The following REC114 variants were observed in gnomAD, a reference collection of about 807,000 sequenced individuals.
The protein encoded by REC114 is meiotic recombination protein REC114.
In REC114, 27 loss-of-function variants were observed where a neutral mutation model predicts 31.3. The ratio of observed to expected loss-of-function variants is 0.86; its 90% CI spans 0.64 to 1.19. The LOEUF is 1.19. Among genes scored for constraint, REC114 ranks in the 50% most tolerant of loss-of-function variants. The pLI, the probability that REC114 is intolerant of heterozygous loss-of-function variation, is 0.00. For synonymous variants in REC114, 134 were observed against 127.7 expected, an observed-to-expected ratio of 1.05 and a Z score of -0.33; for missense variants, 344 against 326.9, an observed-to-expected ratio of 1.05 and a Z score of -0.40.
At chr15:73,546,521 T>C (rs1469801892) in intron 3 of REC114, among the ~76,000 whole-genome samples, 1 of 152,188 alleles carries the variant, frequency 6.6e-6, no homozygotes. Flanking sequence ...TAATGAGGTA[T>C]ACTTCTATTT....
chr15:73,550,052 T>C (rs1397621338), intron 3 of REC114, among the ~76,000 whole-genome samples: 1 of 152,212 alleles, frequency 6.6e-6, no homozygotes, highest in Non-Finnish European at 1.5e-5. Flanking sequence ...GTCACTGTGC[T>C]AAGCTTAGCA....
rs540332647 is a variant in REC114, at chr15:73,507,041, C to T, written c.249+33120C>T. On this transcript the variant is annotated intron_variant, in intron 2 of 5. Coordinates refer to ENST00000331090, the MANE Select transcript of REC114 (RefSeq NM_001042367.2). ...GCTTGCTACATAAAAAAATTCAAAA[C>T]TTTCTGCATGGAAAAAATACCATAA... Among the ~76,000 whole-genome samples the T allele has an allele frequency of 6.4e-4, 97 of 152,134 alleles. 1 individual carries two copies. Among genetic ancestry groups the T allele is most frequent in the African/African-American group, 2.3e-3 (94 of 41,520 alleles).
At chr15:73,550,825 C>T in intron 3 of REC114, 113 bp from the exon 4 acceptor site, 1 of 904,958 alleles carries the variant, frequency 1.1e-6, no homozygotes. Flanking sequence ...GATGACTGTT[C>T]CCTTATCTAT....
At chr15:73,488,920 C>G (rs1893408968) in intron 2 of REC114, among the ~76,000 whole-genome samples, 1 of 152,140 alleles carries the variant, frequency 6.6e-6, no homozygotes, top group South Asian at 2.1e-4. Flanking sequence ...ATAGTAACAC[C>G]CCTTTCTTGG....
chr15:73,515,616 C>G (rs1347924180), intron 2 of REC114, among the ~76,000 whole-genome samples: 4 of 151,990 alleles, frequency 2.6e-5, no homozygotes, highest in Non-Finnish European at 5.9e-5. Flanking sequence ...GAGATTAGTG[C>G]TTTTATAAGA....
intron 2 of REC114, among the ~76,000 whole-genome samples, chr15:73,481,911 G>A (rs1045433140): frequency 6.6e-5 from 10 of 151,808 alleles, no homozygotes; most frequent in African/African-American, 1.5e-4. Context: ...TGCCCACCTC[G>A]GCCTCCCAAA....
chr15:73,479,347 A>C (rs1893261504), intron 2 of REC114, among the ~76,000 whole-genome samples: 1 of 150,932 alleles, frequency 6.6e-6, no homozygotes, highest in South Asian at 2.1e-4. Context: ...TAAGGTATAC[A>C]ATGTAATGTT....
At chr15:73,505,778 T>C (rs1405967602) in intron 2 of REC114, among the ~76,000 whole-genome samples, 3 of 152,134 alleles carry the variant, frequency 2.0e-5, no homozygotes, top group Non-Finnish European at 4.4e-5. Flanking sequence ...GTGATCCGCC[T>C]GCCTCGGCCT....
intron 2 of REC114, among the ~76,000 whole-genome samples, chr15:73,475,901 T>A (rs2141294348): frequency 6.6e-6 from 1 of 152,302 alleles, no homozygotes; most frequent in South Asian, 2.1e-4. Flanking sequence ...TCATGGTAAG[T>A]GCCCTATACA....
intron 2 of REC114, among the ~76,000 whole-genome samples, chr15:73,486,457 C>T (rs1246365970): frequency 6.6e-6 from 1 of 152,172 alleles, no homozygotes; most frequent in Non-Finnish European, 1.5e-5. Flanking sequence ...ATGTGAAAAA[C>T]CAGGGAATAA....
intron 2 of REC114, among the ~76,000 whole-genome samples, chr15:73,491,000 A>T (rs557997244): frequency 6.6e-6 from 1 of 152,226 alleles, no homozygotes; most frequent in South Asian, 2.1e-4. Context: ...CCTTATCCGC[A>T]TCATGCTGAA....
intron 3 of REC114, among the ~76,000 whole-genome samples, chr15:73,541,802 G>A (rs1211546709): frequency 1.3e-5 from 2 of 152,072 alleles, no homozygotes; most frequent in African/African-American, 2.4e-5. Flanking sequence ...CATGCTGTAT[G>A]TTTGATACTT....
At chr15:73,510,351 A>G (rs1270718205) in intron 2 of REC114, among the ~76,000 whole-genome samples, 22 of 152,168 alleles carry the variant, frequency 1.4e-4, no homozygotes, top group African/African-American at 3.1e-4. Flanking sequence ...GGCTGAGACA[A>G]TGGGGTTTTC....
rs544204873 is a variant in REC114 at position 73,544,154 on chromosome 15, A to T, written c.333+3586A>T. On this transcript the variant is annotated intron_variant, in intron 3 of 5. Transcript: ENST00000331090. The stretch of plus-strand genomic sequence containing the variant: ...ATCATGTAAGGCAGATTCTCTTTCA[A>T]TTATAGTTTATTTAATACCTTTATC... Among the ~76,000 whole-genome samples, 177 of 152,040 alleles carry T rather than the reference A, an allele frequency of 1.2e-3. 1 individual carries two copies. Among genetic ancestry groups the T allele is most frequent in the Non-Finnish European group, 2.3e-3 (159 of 67,982 alleles).
intron 4 of REC114, among the ~76,000 whole-genome samples, chr15:73,555,493 T>C (rs907243364): frequency 2.7e-4 from 41 of 152,192 alleles, no homozygotes; most frequent in African/African-American, 9.9e-4. Flanking sequence ...TCTCTCCAGA[T>C]AGCATGGACC....
At chr15:73,443,448 C>T (rs1018404009) in intron 1 of REC114, 104 bp downstream of exon 1, 3 of 1,308,790 alleles carry the variant, frequency 2.3e-6, no homozygotes, top group Admixed American at 2.9e-5. Flanking sequence ...GCCGAGGGGA[C>T]ACCGAGTGAC....
chr15:73,538,608 C>T (rs1421015556), intron 2 of REC114, among the ~76,000 whole-genome samples: 1 of 151,956 alleles, frequency 6.6e-6, no homozygotes, highest in African/African-American at 2.4e-5. Flanking sequence ...AGGCACCCGC[C>T]ACCGCACCCA....
At chr15:73,488,272 T>C (rs1007247113) in intron 2 of REC114, among the ~76,000 whole-genome samples, 1 of 152,246 alleles carries the variant, frequency 6.6e-6, no homozygotes, top group Non-Finnish European at 1.5e-5. Context: ...CTTAATGAAT[T>C]GTATCTGGCT....
At chr15:73,479,342 T>C (rs1421629771) in intron 2 of REC114, among the ~76,000 whole-genome samples, 4 of 150,728 alleles carry the variant, frequency 2.7e-5, no homozygotes, top group African/African-American at 7.3e-5. Context: ...ATAATTAAGG[T>C]ATACAATGTA....
Sources: gnomAD v4.1 joint callset for allele counts (sites outside exome capture counted in the v4.1 genomes callset) on GRCh38, gnomAD v4.1.1 for gene constraint, MANE v1.5 for transcripts, NCBI Gene and HGNC (gene_info 2026-07-23, HGNC 2026-07-21) for gene names.